The following PREX2 variants were observed in gnomAD, a reference collection of about 807,000 sequenced individuals.
PREX2 encodes phosphatidylinositol-3,4,5-trisphosphate dependent Rac exchange factor 2.
In PREX2, 107 loss-of-function variants were observed where a neutral mutation model predicts 203.2. That is an observed-to-expected ratio of 0.53 (90% CI 0.45 to 0.62). The LOEUF (loss-of-function observed/expected upper bound fraction) is 0.62. Among genes scored for constraint, PREX2 ranks in the 20% least tolerant of loss-of-function variants. The pLI is 0.00. For missense variants in PREX2, 1,777 were observed against 1,955.9 expected, an observed-to-expected ratio of 0.91 and a Z score of 1.72; for synonymous variants, 672 against 663.6, an observed-to-expected ratio of 1.01 and a Z score of -0.19.
intron 1 of PREX2, among the ~76,000 whole-genome samples, chr8:67,967,547 G>A (rs537997569): frequency 6.6e-6 from 1 of 152,310 alleles, no homozygotes; most frequent in African/African-American, 2.4e-5. Context: ...ACGCTGTGCA[G>A]TTGGGGCACC....
intron 28 of PREX2, among the ~76,000 whole-genome samples, 156 bp downstream of exon 28, chr8:68,119,670 CA>C (rs1276027267): frequency 6.6e-6 from 1 of 152,172 alleles, no homozygotes; most frequent in East Asian, 1.9e-4. Flanking sequence ...AACTAGGAAT[CA>C]ACATTCCTTC....
At chr8:68,078,932 G>A (rs1809432978) in intron 15 of PREX2, among the ~76,000 whole-genome samples, 1 of 152,148 alleles carries the variant, frequency 6.6e-6, no homozygotes, top group South Asian at 2.1e-4. Flanking sequence ...GCCCTATCAT[G>A]CTCCTTTTAA....
intron 31 of PREX2, among the ~76,000 whole-genome samples, chr8:68,129,907 ATT>A (rs1810969033): frequency 6.6e-6 from 1 of 150,440 alleles, no homozygotes; most frequent in Admixed American, 6.6e-5. Flanking sequence ...AAACCCTCAA[ATT>A]CTCTGTTTTT....
At chr8:68,003,604 T>G (rs1474962509) in intron 1 of PREX2, among the ~76,000 whole-genome samples, 3 of 152,172 alleles carry the variant, frequency 2.0e-5, no homozygotes, top group Non-Finnish European at 4.4e-5. Flanking sequence ...GAGAGTTTTC[T>G]TCAAGGAGCA....
chr8:67,961,047 T>A (rs1805621007), intron 1 of PREX2, among the ~76,000 whole-genome samples: 1 of 151,456 alleles, frequency 6.6e-6, no homozygotes, highest in African/African-American at 2.4e-5. Flanking sequence ...TATTTTACAT[T>A]TGATGCACAT....
chr8:67,952,673 C>T (rs1242327055), intron 1 of PREX2, 138 bp downstream of exon 1: 2 of 1,197,724 alleles, frequency 1.7e-6, no homozygotes, highest in Admixed American at 2.1e-5. Flanking sequence ...CGGGAATCCA[C>T]GTGTGGACTC....
At chr8:68,191,698 A>G (rs1812297930) in intron 35 of PREX2, 24 bp from the exon 36 acceptor site, 1 of 1,546,936 alleles carries the variant, frequency 6.5e-7, no homozygotes, top group African/African-American at 1.4e-5. Context: ...AACAAATGAT[A>G]ATTTATTTCT....
intron 1 of PREX2, among the ~76,000 whole-genome samples, chr8:68,008,666 T>C (rs1051989312): frequency 1.3e-5 from 2 of 152,172 alleles, no homozygotes; most frequent in Non-Finnish European, 2.9e-5. Context: ...AATCCCCATG[T>C]GTTATGGGAG....
intron 7 of PREX2, among the ~76,000 whole-genome samples, chr8:68,040,775 A>G (rs972950864): frequency 2.6e-5 from 4 of 152,194 alleles, no homozygotes; most frequent in Non-Finnish European, 4.4e-5. Flanking sequence ...TGCTCCTTCA[A>G]TGCAATTTCT....
intron 35 of PREX2, among the ~76,000 whole-genome samples, chr8:68,169,938 G>A (rs1432585713): frequency 2.0e-5 from 3 of 152,152 alleles, no homozygotes; most frequent in Non-Finnish European, 4.4e-5. Context: ...TTTAGATGGT[G>A]GAAAATGCAG....
At chr8:68,205,240 A>T (rs974543784) in intron 37 of PREX2, among the ~76,000 whole-genome samples, 1 of 152,220 alleles carries the variant, frequency 6.6e-6, no homozygotes, top group Non-Finnish European at 1.5e-5. Context: ...AAAAGAGAGT[A>T]TCAATATTTA....
chr8:68,033,249 G>A (rs927892024), intron 6 of PREX2, among the ~76,000 whole-genome samples: 1 of 152,072 alleles, frequency 6.6e-6, no homozygotes, highest in Non-Finnish European at 1.5e-5. Flanking sequence ...GAAAAGGGTG[G>A]CTTTTGAGCA....
At chr8:68,047,101 T>A (rs1808374257) in intron 8 of PREX2, among the ~76,000 whole-genome samples, 1 of 151,908 alleles carries the variant, frequency 6.6e-6, no homozygotes, top group Non-Finnish European at 1.5e-5. Context: ...AAGGACCAAG[T>A]GGAGAGCAGT....
chr8:68,204,599 C>T (rs1438980060), intron 37 of PREX2, among the ~76,000 whole-genome samples: 1 of 151,790 alleles, frequency 6.6e-6, no homozygotes, highest in Non-Finnish European at 1.5e-5. Flanking sequence ...ATCTCTGCTG[C>T]ATTCTGTTCA....
At chr8:68,045,761 C>A (rs77863147) in intron 8 of PREX2, among the ~76,000 whole-genome samples, 2,477 of 152,082 alleles carry the variant, frequency 0.016, 50 homozygotes, top group African/African-American at 0.053. Context: ...ATTTCAAATC[C>A]CTTTCTATGC....
chr8:68,182,052 T>C (rs1037360265), intron 35 of PREX2, among the ~76,000 whole-genome samples: 1 of 152,070 alleles, frequency 6.6e-6, no homozygotes, highest in Non-Finnish European at 1.5e-5. Context: ...ATGTGGAAGA[T>C]GAGTCTGGAA....
At chr8:68,003,947 C>T (rs1585696951) in intron 1 of PREX2, among the ~76,000 whole-genome samples, 1 of 150,536 alleles carries the variant, frequency 6.6e-6, no homozygotes, top group African/African-American at 2.5e-5. Flanking sequence ...CTCCCCCGTT[C>T]CAGCGATTCT....
At chr8:68,174,442 A>C (rs1435469156) in intron 35 of PREX2, among the ~76,000 whole-genome samples, 1 of 152,138 alleles carries the variant, frequency 6.6e-6, no homozygotes, top group African/African-American at 2.4e-5. Flanking sequence ...AAATTCTGTC[A>C]GTCATTTAGG....
intron 1 of PREX2, among the ~76,000 whole-genome samples, chr8:68,005,178 C>T (rs774434995): frequency 1.3e-5 from 2 of 152,106 alleles, no homozygotes; most frequent in South Asian, 2.1e-4. Flanking sequence ...TGCAGTTGCT[C>T]GGGCCCAAAA....
Sources: allele counts gnomAD v4.1 joint callset (sites outside exome capture counted in the v4.1 genomes callset), GRCh38; gene constraint gnomAD v4.1.1; transcripts MANE v1.5; gene names NCBI Gene and HGNC (gene_info 2026-07-23, HGNC 2026-07-21).